Variants in COP1 observed in about 807,000 individuals in gnomAD.
The protein encoded by COP1 is COP1 E3 ubiquitin ligase, also known as E3 ubiquitin-protein ligase COP1.
In COP1, 24 loss-of-function variants were observed where a neutral mutation model predicts 101.3. That is an observed-to-expected ratio of 0.24 (90% confidence interval 0.17 to 0.33). The LOEUF (loss-of-function observed/expected upper bound fraction) is 0.33. Ranked by LOEUF, COP1 falls within the 10% of genes least tolerant of loss-of-function variation. COP1 has a pLI of 1.00. For synonymous variants in COP1, 347 were observed against 341.9 expected (o/e 1.01, Z -0.17); for missense variants, 663 against 906.2 (o/e 0.73, Z 3.45).
chr1:175,953,561 C>G (rs915475721), intron 18 of COP1, among the ~76,000 whole-genome samples: 3 of 151,804 alleles, frequency 2.0e-5, no homozygotes, highest in Non-Finnish European at 4.4e-5. Context: ...GGTTTGAGAT[C>G]AGCTTGAGCA....
intron 15 of COP1, among the ~76,000 whole-genome samples, chr1:176,018,014 C>G (rs1477532117): frequency 6.6e-6 from 1 of 151,226 alleles, no homozygotes; most frequent in Admixed American, 6.7e-5. Context: ...CGCCTGCTCT[C>G]AATTTAGTTG....
At chr1:176,161,460 T>C (rs1694312225) in intron 5 of COP1, among the ~76,000 whole-genome samples, 1 of 151,894 alleles carries the variant, frequency 6.6e-6, no homozygotes, top group Admixed American at 6.6e-5. Context: ...AGTTGGGTGA[T>C]TTAAAAACTA....
intron 10 of COP1, among the ~76,000 whole-genome samples, chr1:176,084,664 T>G (rs1558074037): frequency 6.6e-6 from 1 of 152,188 alleles, no homozygotes; most frequent in Non-Finnish European, 1.5e-5. Context: ...ACAAACAAAT[T>G]TTGCCTTCTC....
At chr1:176,153,155 C>T (rs1209041763) in intron 5 of COP1, among the ~76,000 whole-genome samples, 1 of 152,080 alleles carries the variant, frequency 6.6e-6, no homozygotes, top group African/African-American at 2.4e-5. Flanking sequence ...TAGCCTCTTT[C>T]ATCAAATTTT....
chr1:175,963,212 A>G (rs1651595888), intron 18 of COP1, among the ~76,000 whole-genome samples: 1 of 152,084 alleles, frequency 6.6e-6, no homozygotes, highest in African/African-American at 2.4e-5. Flanking sequence ...AGTGGGCTTT[A>G]GGCATTTAAT....
chr1:176,134,522 A>T (rs1689486446), intron 8 of COP1, among the ~76,000 whole-genome samples: 1 of 152,038 alleles, frequency 6.6e-6, no homozygotes, highest in Non-Finnish European at 1.5e-5. Flanking sequence ...AGAAGAATTA[A>T]TAATAAGTAG....
intron 14 of COP1, among the ~76,000 whole-genome samples, chr1:176,031,515 AAAAGT>A (rs2149096067): frequency 6.6e-6 from 1 of 152,346 alleles, no homozygotes; most frequent in South Asian, 2.1e-4. Context: ...CTTCGAAAGA[AAAAGT>A]AAATTTAAAA....
chr1:176,012,311 A>G lies in COP1; in HGVS notation c.1729+15261T>C, dbSNP rs116388435. 2.8e-3 allele frequency among the ~76,000 whole-genome samples: 421 copies of G among 152,232 alleles called. 1 individual carries two copies. The highest frequency in any genetic ancestry group is 9.7e-3 in the African/African-American group (404 of 41,532). On this transcript the variant is annotated intron_variant, in intron 15 of 19. Transcript: ENST00000367669. ...ACCATGCTCCACTAAGTTTTTGTGG[A>G]GCTGGGGGTTTCACCATGTGACTTG...
intron 18 of COP1, among the ~76,000 whole-genome samples, chr1:175,965,841 T>TA (rs1651956971): frequency 6.6e-6 from 1 of 152,032 alleles, no homozygotes; most frequent in Non-Finnish European, 1.5e-5. Context: ...CTCAGCCTCC[T>TA]AAAGTGTTGG....
intron 11 of COP1, among the ~76,000 whole-genome samples, chr1:176,047,956 C>T (rs1671796301): frequency 6.6e-6 from 1 of 151,826 alleles, no homozygotes; most frequent in Admixed American, 6.6e-5. Flanking sequence ...GTTCTTGTCT[C>T]CAGAGACTTG....
chr1:176,036,512 A>C (rs576753888), intron 14 of COP1, among the ~76,000 whole-genome samples: 16 of 149,640 alleles, frequency 1.1e-4, no homozygotes, highest in South Asian at 8.5e-4. Context: ...AAAAACAAAA[A>C]AAAAAAAAAA....
intron 15 of COP1, among the ~76,000 whole-genome samples, chr1:176,012,927 C>T (rs751527261): frequency 2.4e-4 from 36 of 152,240 alleles, no homozygotes; most frequent in African/African-American, 6.3e-4. Flanking sequence ...TTGAGCAACA[C>T]GTGATTGCAT....
intron 1 of COP1, 32 bp downstream of exon 1, chr1:176,206,540 A>G: frequency 6.3e-7 from 1 of 1,591,890 alleles, no homozygotes; most frequent in Non-Finnish European, 8.5e-7. Flanking sequence ...CTCATAATTT[A>G]GGGACAAGGA....
chr1:176,085,973 C>T (rs1283234432), intron 9 of COP1, 83 bp from the exon 10 acceptor site: 2 of 645,858 alleles, frequency 3.1e-6, no homozygotes, highest in East Asian at 2.6e-5. Flanking sequence ...TGAGCATTTA[C>T]CCTCAGAAGT....
intron 18 of COP1, among the ~76,000 whole-genome samples, chr1:175,962,154 C>G (rs772623965): frequency 3.3e-5 from 5 of 151,964 alleles, no homozygotes; most frequent in Non-Finnish European, 7.4e-5. Flanking sequence ...ATATGCCATC[C>G]CAAAATATGC....
At chr1:176,113,707 T>C (rs1361903218) in intron 9 of COP1, among the ~76,000 whole-genome samples, 3 of 152,158 alleles carry the variant, frequency 2.0e-5, no homozygotes, top group African/African-American at 4.8e-5. Flanking sequence ...AAGTGAGAGA[T>C]GGCTCAGTAA....
chr1:176,105,787 A>C (rs890686580), intron 9 of COP1, among the ~76,000 whole-genome samples: 10 of 152,224 alleles, frequency 6.6e-5, no homozygotes, highest in Admixed American at 5.9e-4. Flanking sequence ...ATAATAATTG[A>C]ATTCATGATT....
chr1:175,964,058 T>C (rs1249125463), intron 18 of COP1, among the ~76,000 whole-genome samples: 1 of 152,206 alleles, frequency 6.6e-6, no homozygotes, highest in Non-Finnish European at 1.5e-5. Flanking sequence ...TTTCCATGTA[T>C]TTTCTAATTT....
At chr1:176,139,915 G>A (rs1690408091) in intron 6 of COP1, among the ~76,000 whole-genome samples, 1 of 151,996 alleles carries the variant, frequency 6.6e-6, no homozygotes, top group Admixed American at 6.6e-5. Flanking sequence ...ATATATCTAC[G>A]TAAGAAACCC....
Sources: gnomAD v4.1 joint callset for allele counts (sites outside exome capture counted in the v4.1 genomes callset) on GRCh38, gnomAD v4.1.1 for gene constraint, MANE v1.5 for transcripts, NCBI Gene and HGNC (gene_info 2026-07-23, HGNC 2026-07-21) for gene names.